CSMD1: variants seen among roughly 807,000 people sequenced by gnomAD.
CSMD1 encodes CUB and Sushi multiple domains 1, also known as CUB and sushi domain-containing protein 1.
Under a neutral mutation model 417.5 loss-of-function variants are expected in CSMD1, and 213 were observed. The ratio of observed to expected loss-of-function variants is 0.51; its 90% CI spans 0.46 to 0.57. CSMD1 has a LOEUF of 0.57. CSMD1 is among the 20% of genes least tolerant of loss of function. The probability of loss-of-function intolerance (pLI) is 0.00; values close to 1 mark genes in which losing one functional copy is unlikely to be tolerated. For missense variants in CSMD1, 6,923 were observed against 4,529.7 expected, an observed-to-expected ratio of 1.53 and a Z score of -15.17; for synonymous variants, 2,862 against 1,736.8, an observed-to-expected ratio of 1.65 and a Z score of -16.11.
At chr8:3,797,157 T>C (rs1026943342) in intron 5 of CSMD1, among the ~76,000 whole-genome samples, 3 of 151,918 alleles carry the variant, frequency 2.0e-5, no homozygotes, top group South Asian at 2.1e-4. Flanking sequence ...AACATAATAA[T>C]TGAATTTCAA....
intron 5 of CSMD1, among the ~76,000 whole-genome samples, chr8:3,820,444 T>C (rs999187970): frequency 6.6e-6 from 1 of 152,250 alleles, no homozygotes; most frequent in African/African-American, 2.4e-5. Flanking sequence ...GGACAATCAA[T>C]ATCACTGTCT....
rs143944207 is a variant in CSMD1 at position 3,039,557 on chromosome 8, C to A, written c.7661-10044G>T. Among the ~76,000 whole-genome samples the A allele has an allele frequency of 6.6e-3, 1,003 of 151,760 alleles. 11 individuals are homozygous for A. The highest frequency in any genetic ancestry group is 0.021 in the African/African-American group (856 of 41,384). Reference sequence around the variant, plus strand: ...TCCTTCTTTCCTTCCTTCCTTTCCTCCTTATTTTCTTCCTCATACATTATG... The same window carrying A: ...TCCTTCTTTCCTTCCTTCCTTTCCTACTTATTTTCTTCCTCATACATTATG... On this transcript the variant is annotated intron_variant, in intron 50 of 69. Coordinates refer to ENST00000635120, the MANE Select transcript of CSMD1 (RefSeq NM_033225.6).
At chr8:3,105,651 C>T (rs950852714) in intron 46 of CSMD1, among the ~76,000 whole-genome samples, 6 of 152,128 alleles carry the variant, frequency 3.9e-5, no homozygotes, top group Admixed American at 6.5e-5. Context: ...ATATGTTAAA[C>T]ATATGTGAGA....
intron 6 of CSMD1, among the ~76,000 whole-genome samples, chr8:3,744,190 GGAGTT>G (rs1796952202): frequency 6.6e-6 from 1 of 152,204 alleles, no homozygotes; most frequent in Non-Finnish European, 1.5e-5. Context: ...GGCGGGAGTG[GGAGTT>G]GAGGACAGGG....
chr8:3,584,517 C>T (rs1023993423), intron 9 of CSMD1, among the ~76,000 whole-genome samples: 10 of 145,938 alleles, frequency 6.9e-5, no homozygotes, highest in Admixed American at 1.4e-4. Flanking sequence ...GCAGCTGTTT[C>T]CTAAGTGATA....
At chr8:4,354,788 AG>A (rs1291270704) in intron 3 of CSMD1, among the ~76,000 whole-genome samples, 3 of 152,104 alleles carry the variant, frequency 2.0e-5, no homozygotes, top group Admixed American at 6.6e-5. Context: ...GAAAAATGAA[AG>A]CAAAAAGTTT....
chr8:4,800,988 G>C lies in CSMD1; in HGVS notation c.86-163430C>G, dbSNP rs191634693. On this transcript the variant is annotated intron_variant, in intron 1 of 69. Transcript: ENST00000635120. ...TCTTTCCTTAGTTTTATCCCAAGTTGTAAGCACAACTGCTTGCCTGATGTC... is the reference window on the plus strand; with the variant it reads ...TCTTTCCTTAGTTTTATCCCAAGTTCTAAGCACAACTGCTTGCCTGATGTC... 7.1e-4 allele frequency among the ~76,000 whole-genome samples: 108 copies of C among 152,208 alleles called. 1 individual carries two copies. The highest frequency in any genetic ancestry group is 2.4e-3 in the African/African-American group (100 of 41,536).
chr8:3,502,619 A>T (rs753830775), intron 10 of CSMD1, among the ~76,000 whole-genome samples: 8 of 152,180 alleles, frequency 5.3e-5, no homozygotes, highest in Non-Finnish European at 8.8e-5. Context: ...TTAGAAGGTG[A>T]CGTGTTGCAA....
intron 3 of CSMD1, among the ~76,000 whole-genome samples, chr8:4,133,037 G>A (rs1005613889): frequency 3.9e-5 from 6 of 152,094 alleles, no homozygotes; most frequent in Admixed American, 6.5e-5. Flanking sequence ...GGGTTAAAGC[G>A]ATTCTTTTCT....
chr8:4,069,996 A>C (rs1799461468), intron 3 of CSMD1, among the ~76,000 whole-genome samples: 1 of 151,754 alleles, frequency 6.6e-6, no homozygotes. Context: ...GCCTTCCTTT[A>C]GAATGTTCAA....
chr8:3,746,603 T>C (rs1376466209), intron 6 of CSMD1, among the ~76,000 whole-genome samples: 1 of 152,262 alleles, frequency 6.6e-6, no homozygotes, highest in African/African-American at 2.4e-5. Context: ...TTTTATTCAT[T>C]AATTTAACAT....
At chr8:3,507,234 A>AT (rs140136293) in intron 10 of CSMD1, among the ~76,000 whole-genome samples, 5 of 151,640 alleles carry the variant, frequency 3.3e-5, no homozygotes, top group South Asian at 2.1e-4. Context: ...CCTATACAAT[A>AT]TTTTTTTTGT....
At chr8:4,114,855 G>A (rs960060395) in intron 3 of CSMD1, among the ~76,000 whole-genome samples, 4 of 152,154 alleles carry the variant, frequency 2.6e-5, no homozygotes, top group African/African-American at 9.7e-5. Context: ...CTGAATTGCT[G>A]CAATCTCATG....
chr8:3,619,888 C>T lies in CSMD1; in HGVS notation c.1010-3091G>A, dbSNP rs150375821. On this transcript the variant is annotated intron_variant, in intron 7 of 69. Transcript: ENST00000635120. ...AGGCTGAGGTGGGTGGATCACTTGA[C>T]GTCAGGAATTCAAGACTGGCCTGGC... Among the ~76,000 whole-genome samples the T allele has an allele frequency of 2.1e-3, 320 of 152,162 alleles. 1 individual carries two copies. The highest frequency in any genetic ancestry group is 7.1e-3 in the African/African-American group (294 of 41,522).
At chr8:4,067,468 A>C (rs1305401455) in intron 3 of CSMD1, among the ~76,000 whole-genome samples, 1 of 139,274 alleles carries the variant, frequency 7.2e-6, no homozygotes, top group Non-Finnish European at 1.6e-5. Context: ...AGTTCTTTTC[A>C]CATGAAATAA....
intron 5 of CSMD1, among the ~76,000 whole-genome samples, chr8:3,788,078 G>A (rs1346470404): frequency 2.6e-5 from 4 of 152,136 alleles, no homozygotes; most frequent in Non-Finnish European, 5.9e-5. Context: ...TCCAGTGAGT[G>A]TTCTTTGGGA....
intron 11 of CSMD1, among the ~76,000 whole-genome samples, chr8:3,481,008 T>C (rs912724861): frequency 6.6e-6 from 1 of 151,446 alleles, no homozygotes; most frequent in Non-Finnish European, 1.5e-5. Flanking sequence ...TACAAAAAAT[T>C]AGCCAGGCGT....
rs761136911 is a variant in CSMD1, at chr8:2,935,404, T to A, written c.*3181A>T. On this transcript the variant is annotated 3_prime_UTR_variant, in exon 70 of 70. Coordinates refer to ENST00000635120, the MANE Select transcript of CSMD1 (RefSeq NM_033225.6). ...TAGAACTCTGATTTGCTTTAAAGAT[T>A]GGTGGCATTGCACAGGCTATATTAC... The A allele has an allele frequency of 6.6e-6, 1 of 152,198 alleles. No individual in the cohort carries two copies. The highest frequency in any genetic ancestry group is 1.5e-5 in the Non-Finnish European group (1 of 68,038). The allele number at this position is 152,198 out of a possible 1,614,324, so 9.4% of individuals were successfully genotyped here. A position where few individuals can be genotyped will look rare whatever the true frequency, so the allele number is the denominator to read the frequency against.
intron 5 of CSMD1, among the ~76,000 whole-genome samples, chr8:3,926,591 T>G (rs1239910373): frequency 6.6e-6 from 1 of 152,014 alleles, no homozygotes; most frequent in Non-Finnish European, 1.5e-5. Flanking sequence ...TATTTCTGGT[T>G]AATTTTATCA....
Sources: gnomAD v4.1 joint callset for allele counts (sites outside exome capture counted in the v4.1 genomes callset) on GRCh38, gnomAD v4.1.1 for gene constraint, MANE v1.5 for transcripts, NCBI Gene and HGNC (gene_info 2026-07-23, HGNC 2026-07-21) for gene names.